Variants in AKAP6 observed in about 807,000 individuals in gnomAD.
AKAP6 encodes the protein A-kinase anchoring protein 6, also known as A-kinase anchor protein 6.
In AKAP6, 58 loss-of-function variants were observed where a neutral mutation model predicts 188.5. The observed-to-expected ratio is 0.31, with a 90% CI of 0.25 to 0.38. The LOEUF (loss-of-function observed/expected upper bound fraction) is 0.38, where lower values mean the gene tolerates loss of function less well. Ranked by LOEUF, AKAP6 falls within the 10% of genes least tolerant of loss-of-function variation. The pLI is 1.00. For missense variants in AKAP6, 2,710 were observed against 2,740.0 expected (o/e 0.99, Z 0.24); for synonymous variants, 989 against 998.6 (o/e 0.99, Z 0.18).
intron 12 of AKAP6, among the ~76,000 whole-genome samples, chr14:32,805,045 CA>C (rs1400956872): frequency 5.9e-5 from 9 of 152,208 alleles, no homozygotes; most frequent in Middle Eastern, 3.4e-3. Flanking sequence ...ACATGTTTTA[CA>C]ATCAATTTGT....
intron 1 of AKAP6, among the ~76,000 whole-genome samples, chr14:32,347,836 C>T (rs1887116682): frequency 6.6e-6 from 1 of 152,234 alleles, no homozygotes; most frequent in African/African-American, 2.4e-5. Flanking sequence ...GAATCTGTGT[C>T]TTCTGTTGAC....
At chr14:32,549,275 A>T (rs1231142803) in intron 4 of AKAP6, among the ~76,000 whole-genome samples, 1 of 152,172 alleles carries the variant, frequency 6.6e-6, no homozygotes, top group African/African-American at 2.4e-5. Flanking sequence ...AAACTGTGGT[A>T]TTGTAGAGTA....
At chr14:32,360,969 G>A (rs1470316292) in intron 1 of AKAP6, among the ~76,000 whole-genome samples, 1 of 150,712 alleles carries the variant, frequency 6.6e-6, no homozygotes, top group Non-Finnish European at 1.5e-5. Flanking sequence ...GGCTACTCTT[G>A]AACTCCTGGG....
intron 5 of AKAP6, among the ~76,000 whole-genome samples, chr14:32,591,412 A>G (rs1885479042): frequency 1.3e-5 from 2 of 150,708 alleles, no homozygotes; most frequent in Admixed American, 6.6e-5. Flanking sequence ...CTTGCATAAC[A>G]TATTAGCCAG....
intron 2 of AKAP6, among the ~76,000 whole-genome samples, chr14:32,503,723 C>A (rs1033354734): frequency 6.6e-6 from 1 of 151,828 alleles, no homozygotes; most frequent in South Asian, 2.1e-4. Context: ...TTGACTTATT[C>A]TTCCCAATTA....
chr14:32,331,069 G>A (rs1448643539), intron 1 of AKAP6, among the ~76,000 whole-genome samples: 1 of 151,986 alleles, frequency 6.6e-6, no homozygotes, highest in Non-Finnish European at 1.5e-5. Flanking sequence ...GATGGGGGAA[G>A]GGAAAGTATG....
intron 1 of AKAP6, among the ~76,000 whole-genome samples, chr14:32,359,255 T>C (rs946151721): frequency 4.6e-5 from 7 of 152,182 alleles, no homozygotes; most frequent in Non-Finnish European, 7.3e-5. Context: ...TCCAAAAAGT[T>C]GGTCTTTAAA....
chr14:32,583,671 G>C (rs1040831732), intron 5 of AKAP6, among the ~76,000 whole-genome samples: 1 of 152,224 alleles, frequency 6.6e-6, no homozygotes, highest in Non-Finnish European at 1.5e-5. Context: ...AAGCAAGCCT[G>C]GGCAATGGCG....
At chr14:32,341,173 A>G (rs536608205) in intron 1 of AKAP6, among the ~76,000 whole-genome samples, 7 of 152,098 alleles carry the variant, frequency 4.6e-5, no homozygotes, top group African/African-American at 1.7e-4. Context: ...TTATCTTGCA[A>G]ATTTGTGTTT....
chr14:32,478,677 T>C (rs573203430), intron 2 of AKAP6, among the ~76,000 whole-genome samples: 3 of 152,314 alleles, frequency 2.0e-5, no homozygotes, highest in South Asian at 2.1e-4. Flanking sequence ...GTTGATTTTA[T>C]AGAGAGCTCC....
chr14:32,680,954 G>C (rs1390201583), intron 8 of AKAP6, among the ~76,000 whole-genome samples: 1 of 152,158 alleles, frequency 6.6e-6, no homozygotes, highest in Non-Finnish European at 1.5e-5. Context: ...GGAACAGTTG[G>C]CACTGGCTCC....
intron 4 of AKAP6, among the ~76,000 whole-genome samples, chr14:32,552,592 A>G (rs1163809090): frequency 6.6e-6 from 1 of 152,262 alleles, no homozygotes; most frequent in African/African-American, 2.4e-5. Context: ...ACCTTAGGAA[A>G]AAAACAGACT....
rs528245595 is a variant in AKAP6 at position 32,763,152 on chromosome 14, A to G, written c.3373-10526A>G. On this transcript the variant is annotated intron_variant, in intron 11 of 13. Coordinates refer to ENST00000280979, the MANE Select transcript of AKAP6 (RefSeq NM_004274.5). Reference sequence around the variant, plus strand: ...AACCAACTCAGGAAGCTTTAATGCTATTTTTAAAATCTAGCTTTTACATTG... The same window carrying G: ...AACCAACTCAGGAAGCTTTAATGCTGTTTTTAAAATCTAGCTTTTACATTG... Among the ~76,000 whole-genome samples, 7 of 152,202 alleles carry G rather than the reference A, an allele frequency of 4.6e-5. No homozygotes were observed. The East Asian group carries it at 9.6e-4, about 21-fold the overall frequency.
chr14:32,395,416 TGCC>T (rs1229582310), intron 1 of AKAP6, among the ~76,000 whole-genome samples: 3 of 152,122 alleles, frequency 2.0e-5, no homozygotes, highest in Non-Finnish European at 4.4e-5. Flanking sequence ...ATTTTCACAT[TGCC>T]GTCTCACTGG....
intron 4 of AKAP6, among the ~76,000 whole-genome samples, chr14:32,557,119 C>T (rs907455714): frequency 1.9e-4 from 29 of 152,024 alleles, no homozygotes; most frequent in African/African-American, 6.5e-4. Flanking sequence ...GGGTCTCACT[C>T]TGTCATCCAG....
At position 32,546,191 on chromosome 14, in the gene AKAP6, G is replaced by T. The variant is rs45477296; in HGVS notation, c.1538G>T (p.Arg513Leu). 0.052 allele frequency: 84,646 copies of T among 1,614,024 alleles called. 2,442 individuals are homozygous for T. The highest frequency in any genetic ancestry group is 0.072 in the Middle Eastern group (437 of 6,056). The change falls in exon 4 of 14, where the codon CGG becomes CTG. Residue 513 changes from arginine to leucine, a missense_variant. Coordinates refer to ENST00000280979, the MANE Select transcript of AKAP6 (RefSeq NM_004274.5). Reference protein sequence around the residue: ...EEVPPCRTPKRGTGSGKQAKN... With the variant: ...EEVPPCRTPKLGTGSGKQAKN... Reference sequence around the variant, plus strand: ...GTGCCTCCATGCCGAACACCTAAACGGGGGACTGGTTCAGGCAAACAAGCT... The same window carrying T: ...GTGCCTCCATGCCGAACACCTAAACTGGGGACTGGTTCAGGCAAACAAGCT...
chr14:32,396,691 G>A (rs960646930), intron 1 of AKAP6, among the ~76,000 whole-genome samples: 1 of 152,112 alleles, frequency 6.6e-6, no homozygotes, highest in Admixed American at 6.6e-5. Context: ...TTTGTATGCA[G>A]ATGTGAGACT....
At chr14:32,389,186 G>A (rs1473752567) in intron 1 of AKAP6, among the ~76,000 whole-genome samples, 1 of 152,152 alleles carries the variant, frequency 6.6e-6, no homozygotes, top group East Asian at 1.9e-4. Flanking sequence ...GTGTCCATTT[G>A]CCTGAAATGT....
At chr14:32,453,695 C>G (rs1345067990) in intron 2 of AKAP6, among the ~76,000 whole-genome samples, 2 of 145,544 alleles carry the variant, frequency 1.4e-5, no homozygotes, top group Non-Finnish European at 3.0e-5. Flanking sequence ...CTCCCGGGTT[C>G]ACGCCATTCT....
Sources: gnomAD v4.1 joint callset for allele counts (sites outside exome capture counted in the v4.1 genomes callset) on GRCh38, gnomAD v4.1.1 for gene constraint, MANE v1.5 for transcripts, NCBI Gene and HGNC (gene_info 2026-07-23, HGNC 2026-07-21) for gene names.